The following IFIH1 variants were observed in gnomAD, a reference collection of about 807,000 sequenced individuals.
IFIH1 encodes interferon-induced helicase C domain-containing protein 1.
IFIH1 carries 125 observed loss-of-function variants against 107.4 expected under a neutral mutation model. That is an observed-to-expected ratio of 1.16 (90% CI 1.01 to 1.35). IFIH1 has a LOEUF of 1.35. IFIH1 is among the 40% of genes most tolerant of loss of function. The probability of loss-of-function intolerance (pLI) is 0.00; values close to 1 mark genes in which losing one functional copy is unlikely to be tolerated. For synonymous variants in IFIH1, 458 were observed against 413.2 expected, an observed-to-expected ratio of 1.11 and a Z score of -1.31; for missense variants, 1,333 against 1,213.7, an observed-to-expected ratio of 1.10 and a Z score of -1.46.
Position 162,310,903 on chromosome 2 carries a change from A to AT in IFIH1, c.483dup (p.Ser162IlefsTer31). ...CTTTTTAGTAGCTCTCTTACACCTG[A>AT]TTCATTTCCATTGTTTTCTGCAGCA... is the stretch of plus-strand genomic sequence containing the variant. On this transcript the variant is annotated frameshift_variant, in exon 2 of 16. Transcript: ENST00000649979. LOFTEE classifies it high-confidence loss of function. The AT allele has an allele frequency of 2.5e-6, 4 of 1,613,278 alleles. No homozygotes were observed. The highest frequency in any genetic ancestry group is 3.4e-6 in the Non-Finnish European group (4 of 1,179,562).
In IFIH1 at chr2:162,318,266, G is replaced by A; in HGVS notation, c.42C>T (p.Leu14=). The change falls in exon 1 of 16, where the codon CTC becomes CTT. Residue 14 remains leucine (L), a synonymous_variant. Transcript: ENST00000649979. ...GYSTDENFRY[L]ISCFRARVKM... Reference sequence around the variant, plus strand: ...TCACCCTGGCCCTGAAGCACGAGATGAGATAGCGGAAATTCTCGTCTGTGG... The same window carrying A: ...TCACCCTGGCCCTGAAGCACGAGATAAGATAGCGGAAATTCTCGTCTGTGG... 1.2e-6 allele frequency: 2 copies of A among 1,614,040 alleles called. No individual in the cohort carries two copies. The highest frequency in any genetic ancestry group is 8.5e-7 in the Non-Finnish European group (1 of 1,179,946).
At chr2:162,311,099 C>T (rs928381977) in intron 1 of IFIH1, among the ~76,000 whole-genome samples, 166 bp from the exon 2 acceptor site, 1 of 151,036 alleles carries the variant, frequency 6.6e-6, no homozygotes, top group African/African-American at 2.5e-5. Context: ...ATTCTGAAGT[C>T]GGCAGGGAAA....
chr2:162,311,900 T>C (rs1683390590), intron 1 of IFIH1, among the ~76,000 whole-genome samples: 1 of 152,174 alleles, frequency 6.6e-6, no homozygotes, highest in African/African-American at 2.4e-5. Flanking sequence ...CCGTAAAGCC[T>C]TAAAAAATAC....
rs142348767 is a variant in IFIH1 at position 162,280,054 on chromosome 2, A to G, written c.1583T>C (p.Leu528Pro). Residue 528 changes from leucine (L) to proline (P), a missense_variant, in exon 8 of 16, where the codon CTG (leucine) becomes CCG (proline). By Grantham distance (98) the Leu-to-Pro change is moderately conservative. Transcript: ENST00000649979. ...GCATGGCTCCTGTATTTGGTTTTTC[A>G]GTTGATCAAGGTTTTCTTTAACAGT... ...IKTVKENLDQ[L>P]KNQIQEPCKK... 1 of 1,611,430 alleles carries G rather than the reference A, an allele frequency of 6.2e-7. No homozygotes were observed. The highest frequency in any genetic ancestry group is 2.2e-5 in the East Asian group (1 of 44,794).
intron 8 of IFIH1, among the ~76,000 whole-genome samples, chr2:162,278,840 A>C (rs945572249): frequency 2.6e-5 from 4 of 152,050 alleles, no homozygotes; most frequent in African/African-American, 4.8e-5. Flanking sequence ...TTTGTTTTAG[A>C]AGTCAAGATA....
intron 1 of IFIH1, among the ~76,000 whole-genome samples, chr2:162,312,595 T>G (rs563859383): frequency 1.2e-4 from 18 of 152,320 alleles, no homozygotes; most frequent in African/African-American, 4.3e-4. Context: ...AAAATAACTA[T>G]TTGAACTCAG....
At chr2:162,288,619 G>T (rs1017848176) in intron 4 of IFIH1, among the ~76,000 whole-genome samples, 11 of 151,906 alleles carry the variant, frequency 7.2e-5, no homozygotes, top group Non-Finnish European at 1.3e-4. Context: ...GGAGCAACAT[G>T]GGGGAGTGTT....
rs1384591767 is a variant in IFIH1 at position 162,276,935 on chromosome 2, T to C, written c.2056A>G (p.Met686Val). The change falls in exon 11 of 16, where the codon ATG becomes GTG. Residue 686 changes from methionine (M) to valine (V), a missense_variant. Met to Val is a conservative substitution (Grantham distance 21, BLOSUM62 1). Coordinates refer to ENST00000649979, the MANE Select transcript of IFIH1 (RefSeq NM_022168.4). ...GGGTTTTCAGCCAGCCTTTTCAACA[T>C]TTTATTGTTTTCTTTAAGAAATAAT... ...LMTLFFENNK[M>V]LKRLAENPEY... The C allele has an allele frequency of 1.9e-6, 3 of 1,597,470 alleles. No homozygotes were observed. Among genetic ancestry groups the C allele is most frequent in the African/African-American group, 2.7e-5 (2 of 73,656 alleles).
At position 162,268,229 on chromosome 2, in the gene IFIH1, T is replaced by A. The variant is rs1252022173; in HGVS notation, c.2665A>T (p.Lys889Ter). Reference protein sequence around the residue: ...QSIMEKKMKTKRNIAKHYKNN... With the variant: ...QSIMEKKMKT The stretch of plus-strand genomic sequence containing the variant: ...TTGTAATGCTTGGCAATATTTCTCT[T>A]GGTTTTCATTTTCTTTTCCATTATA... The change falls in exon 14 of 16, where the codon AAG becomes TAG. Residue 889 changes from lysine to a stop codon, truncating the protein, a stop_gained. Coordinates refer to ENST00000649979, the MANE Select transcript of IFIH1 (RefSeq NM_022168.4). LOFTEE classifies it high-confidence loss of function. 2 of 1,612,964 alleles carry A rather than the reference T, an allele frequency of 1.2e-6. No homozygotes were observed. Among genetic ancestry groups the A allele is most frequent in the Admixed American group, 1.7e-5 (1 of 59,944 alleles).
intron 3 of IFIH1, among the ~76,000 whole-genome samples, chr2:162,305,444 C>T (rs910863233): frequency 2.6e-5 from 4 of 152,020 alleles, no homozygotes; most frequent in Non-Finnish European, 4.4e-5. Flanking sequence ...GTGGTGGGTG[C>T]CTGTAATCCC....
chr2:162,294,912 ACTT>A (rs1456331183), intron 3 of IFIH1, among the ~76,000 whole-genome samples: 1 of 151,962 alleles, frequency 6.6e-6, no homozygotes, highest in Non-Finnish European at 1.5e-5. Context: ...TTTTAATAAA[ACTT>A]CTCTGAAAAG....
At chr2:162,282,017 T>C (rs1395628212) in intron 6 of IFIH1, among the ~76,000 whole-genome samples, 2 of 151,970 alleles carry the variant, frequency 1.3e-5, no homozygotes, top group African/African-American at 2.4e-5. Context: ...TTTCCATTCT[T>C]TCTCCTACCT....
At chr2:162,300,893 C>T (rs1558873281) in intron 3 of IFIH1, among the ~76,000 whole-genome samples, 1 of 152,024 alleles carries the variant, frequency 6.6e-6, no homozygotes, top group African/African-American at 2.4e-5. Context: ...TCCTCAAGTG[C>T]AAGGATAAAT....
chr2:162,268,319 TC>T, intron 13 of IFIH1, 42 bp from the exon 14 acceptor site: 4 of 1,378,946 alleles, frequency 2.9e-6, no homozygotes, highest in Non-Finnish European at 4.0e-6. Flanking sequence ...AGGTTTGTTT[TC>T]TTTTTTCAGT....
intron 1 of IFIH1, among the ~76,000 whole-genome samples, chr2:162,314,429 T>TTTCTTTCC (rs1683445207): frequency 1.1e-5 from 1 of 93,070 alleles, no homozygotes; most frequent in Admixed American, 1.3e-4. Flanking sequence ...TCTTTCTTTC[T>TTTCTTTCC]TTCTTTCTTT....
chr2:162,268,364 C>T (rs1690966012), intron 13 of IFIH1, 87 bp from the exon 14 acceptor site: 4 of 834,406 alleles, frequency 4.8e-6, no homozygotes, highest in Non-Finnish European at 7.5e-6. Flanking sequence ...ATTTGGAGGT[C>T]TTAGTTGTGA....
chr2:162,300,197 A>G (rs1683169304), intron 3 of IFIH1, among the ~76,000 whole-genome samples: 1 of 152,100 alleles, frequency 6.6e-6, no homozygotes, highest in Non-Finnish European at 1.5e-5. Flanking sequence ...TCTCAATGAT[A>G]CTGTATTATC....
intron 9 of IFIH1, 66 bp from the exon 10 acceptor site, chr2:162,277,759 A>G: frequency 2.0e-6 from 3 of 1,512,558 alleles, no homozygotes; most frequent in Non-Finnish European, 2.6e-6. Context: ...TGTGCCATGG[A>G]CTTGAATATA....
chr2:162,297,583 T>A (rs1209342143), intron 3 of IFIH1, among the ~76,000 whole-genome samples: 1 of 152,156 alleles, frequency 6.6e-6, no homozygotes, highest in Non-Finnish European at 1.5e-5. Context: ...AATTTTAAAT[T>A]CTCATTAAAA....
Sources: allele counts gnomAD v4.1 joint callset (sites outside exome capture counted in the v4.1 genomes callset), GRCh38; gene constraint gnomAD v4.1.1; transcripts MANE v1.5; gene names NCBI Gene and HGNC (gene_info 2026-07-23, HGNC 2026-07-21).